Variants in CCDC51 observed in about 807,000 individuals in gnomAD.
CCDC51 encodes the protein coiled-coil domain containing 51.
CCDC51 carries 25 observed loss-of-function variants against 24.8 expected under a neutral mutation model. The ratio of observed to expected loss-of-function variants is 1.01; its 90% CI spans 0.73 to 1.41. The LOEUF is 1.41. Ranked by LOEUF, CCDC51 falls within the 40% of genes most tolerant of loss-of-function variation. CCDC51 has a pLI of 0.00. For synonymous variants in CCDC51, 190 were observed against 204.3 expected, an observed-to-expected ratio of 0.93 and a Z score of 0.60; for missense variants, 466 against 519.1, an observed-to-expected ratio of 0.90 and a Z score of 0.99.
chr3:48,433,557 G>C lies in CCDC51; in HGVS notation c.477+150C>G. The C allele has an allele frequency of 2.5e-6, 2 of 812,640 alleles. No homozygotes were observed. Among genetic ancestry groups the C allele is most frequent in the Non-Finnish European group, 3.9e-6 (2 of 510,680 alleles). 50.3% of individuals were successfully genotyped at this position (812,640 alleles called of 1,614,324 possible). On this transcript the variant is annotated intron_variant, in intron 3 of 3. Coordinates refer to ENST00000395694, the MANE Select transcript of CCDC51 (RefSeq NM_001256964.2). The surrounding 1 kb of genome is among the most constrained non-coding windows in gnomAD (Gnocchi z 4.4). ...GTATATGGATAGACTCTGGAAGCTT[G>C]GGGTTCTGTCCATCCATAGGAGCTT...
At chr3:48,443,893 G>A (rs539074977), upstream of CCDC51, 5 of 1,535,134 alleles carry the variant, frequency 3.3e-6, no homozygotes, top group Admixed American at 9.2e-5. Context: ...GCTGTTCCTT[G>A]TGCCTGAGGA....
chr3:48,433,078 C>G lies in CCDC51; in HGVS notation c.566G>C (p.Ser189Thr). ...AGCCCTTGTGCGCTCCTTCTCATGA[C>G]TTTCCCGCACAGCTGCAGAGAAGAG... is the stretch of plus-strand genomic sequence containing the variant. ...FSLFSAAVRE[S>T]HEKERTRAER... Residue 189 changes from serine to threonine, a missense_variant, in exon 4 of 4, where the codon AGT becomes ACT. Transcript: ENST00000395694. This position sits in a 1 kb window ranked among gnomAD's most constrained non-coding sequence, Gnocchi z 4.4. 1 of 1,614,186 alleles carries G rather than the reference C, an allele frequency of 6.2e-7. No homozygotes were observed. Among genetic ancestry groups the G allele is most frequent in the Non-Finnish European group, 8.5e-7 (1 of 1,180,032 alleles).
chr3:48,439,888 C>A, intron 1 of CCDC51, 100 bp downstream of exon 1: 1 of 281,696 alleles, frequency 3.5e-6, no homozygotes, highest in Non-Finnish European at 6.7e-6. Context: ...CTTCTGCCAT[C>A]TCCCCGCCTA....
upstream of CCDC51, among the ~76,000 whole-genome samples, chr3:48,441,844 T>C (rs2039576994): frequency 6.6e-6 from 1 of 152,198 alleles, no homozygotes; most frequent in Non-Finnish European, 1.5e-5. Context: ...GGGAGTGTCA[T>C]CTAGGGCTTC....
the CCDC51 span, among the ~76,000 whole-genome samples, chr3:48,445,975 G>A: frequency 6.6e-6 from 1 of 152,108 alleles, no homozygotes; most frequent in East Asian, 1.9e-4. Flanking sequence ...GCCTTTGTGT[G>A]GCCTCCCTTT....
At chr3:48,442,328 C>T (rs983885674), upstream of CCDC51, among the ~76,000 whole-genome samples, 1 of 150,962 alleles carries the variant, frequency 6.6e-6, no homozygotes. Context: ...GGGGAAAGAA[C>T]AGTCTTTAGT....
At position 48,439,361 on chromosome 3, in the gene CCDC51, C is replaced by T. The variant is rs546915787; in HGVS notation, c.-9+627G>A. 1.6e-3 allele frequency among the ~76,000 whole-genome samples: 241 copies of T among 152,324 alleles called. 2 individuals carry two copies. Among genetic ancestry groups the T allele is most frequent in the African/African-American group, 5.5e-3 (228 of 41,570 alleles). ...AAAAAATAACAACTTTGGCTGGGTG[C>T]GGTGGCTCACGCCTGTAATCCCAAC... On this transcript the variant is annotated intron_variant, in intron 1 of 3. Transcript: ENST00000395694.
At chr3:48,444,701 G>C (rs532421651), upstream of CCDC51, among the ~76,000 whole-genome samples, 9 of 152,344 alleles carry the variant, frequency 5.9e-5, no homozygotes, top group South Asian at 1.9e-3. Flanking sequence ...GTATGTAACG[G>C]AACAGTTCCT....
upstream of CCDC51, among the ~76,000 whole-genome samples, chr3:48,442,976 A>C (rs2039602147): frequency 1.3e-5 from 2 of 151,874 alleles, no homozygotes; most frequent in Admixed American, 1.3e-4. Context: ...ATGGTGGCTC[A>C]AGACTGTAAT....
chr3:48,440,229 C>G (rs898044244), upstream of CCDC51: 34 of 1,546,060 alleles, frequency 2.2e-5, no homozygotes, highest in African/African-American at 5.5e-5. Flanking sequence ...GCCTCGCTGT[C>G]TACGACAAAG....
chr3:48,435,284 G>A lies in CCDC51; in HGVS notation c.-8-148C>T. On this transcript the variant is annotated intron_variant, in intron 1 of 3. Coordinates refer to ENST00000395694, the MANE Select transcript of CCDC51 (RefSeq NM_001256964.2). The surrounding 1 kb of genome is among the most constrained non-coding windows in gnomAD (Gnocchi z 4.2). ...CACCCTGTTGGGCCCAGAGACTGTG[G>A]CCCCTGTGGCAAGAGGATGGTCAGG... 1 of 664,322 alleles carries A rather than the reference G, an allele frequency of 1.5e-6. No individual in the cohort carries two copies. The highest frequency in any genetic ancestry group is 2.4e-6 in the Non-Finnish European group (1 of 409,674). 41.2% of individuals were successfully genotyped at this position (664,322 alleles called of 1,614,324 possible). A position where few individuals can be genotyped will look rare whatever the true frequency, so the allele number is the denominator to read the frequency against.
At chr3:48,443,941 C>T (rs2039622598), upstream of CCDC51, 1 of 1,256,408 alleles carries the variant, frequency 8.0e-7, no homozygotes, top group Non-Finnish European at 1.1e-6. Context: ...TTAAACCTCT[C>T]TATTCCCTGC....
chr3:48,440,272 G>A, upstream of CCDC51: 1 of 1,595,406 alleles, frequency 6.3e-7, no homozygotes, highest in Non-Finnish European at 8.5e-7. Context: ...CGGTGGCAGG[G>A]TCTGGGGAAG....
Position 48,435,277 on chromosome 3 carries a change from G to C in CCDC51, c.-8-141C>G. 1.4e-6 allele frequency: 1 copy of C among 694,096 alleles called. No homozygotes were observed. Among genetic ancestry groups the C allele is most frequent in the South Asian group, 2.2e-5 (1 of 46,388 alleles). The allele number at this position is 694,096 out of a possible 1,614,324, so 43.0% of individuals were successfully genotyped here. ...TGAGCACCACCCTGTTGGGCCCAGA[G>C]ACTGTGGCCCCTGTGGCAAGAGGAT... On this transcript the variant is annotated intron_variant, in intron 1 of 3. Coordinates refer to ENST00000395694, the MANE Select transcript of CCDC51 (RefSeq NM_001256964.2). This position sits in a 1 kb window ranked among gnomAD's most constrained non-coding sequence, Gnocchi z 4.2.
chr3:48,443,166 G>A (rs918023451), upstream of CCDC51, among the ~76,000 whole-genome samples: 2 of 150,042 alleles, frequency 1.3e-5, no homozygotes, highest in African/African-American at 4.9e-5. Context: ...ACTTGAACCT[G>A]GGAGGCGGAG....
chr3:48,440,531 C>T (rs915940370), upstream of CCDC51: 12 of 1,610,010 alleles, frequency 7.5e-6, no homozygotes, highest in African/African-American at 1.1e-4. Flanking sequence ...CACGCTCTGC[C>T]TCTCCCCAGG....
chr3:48,442,216 G>A (rs1053681795), upstream of CCDC51, among the ~76,000 whole-genome samples: 2 of 150,454 alleles, frequency 1.3e-5, no homozygotes, highest in Non-Finnish European at 2.9e-5. Flanking sequence ...AGCTGGGATT[G>A]CGCCACTGTA....
the CCDC51 span, among the ~76,000 whole-genome samples, chr3:48,445,731 T>G: frequency 2.6e-5 from 4 of 152,230 alleles, no homozygotes; most frequent in African/African-American, 4.8e-5. Context: ...ATTTACTCTT[T>G]TCATTTAATG....
rs2039195381 is a variant in CCDC51 at position 48,432,430 on chromosome 3, T to A, written c.1214A>T (p.Tyr405Phe). ...GGGTTAGCTGGCTTTGAATAGCATG[T>A]AGAGCACAGGCAGTGTGGCCACAAA... ...VTFVATLPVL[Y>F]MLFKAS The change falls in exon 4 of 4, where the codon TAC becomes TTC. Residue 405 changes from tyrosine (Y) to phenylalanine (F), a missense_variant. Coordinates refer to ENST00000395694, the MANE Select transcript of CCDC51 (RefSeq NM_001256964.2). The A allele has an allele frequency of 1.2e-6, 2 of 1,614,122 alleles. No individual in the cohort carries two copies. The highest frequency in any genetic ancestry group is 2.7e-5 in the African/African-American group (2 of 74,944).
Sources: allele counts gnomAD v4.1 joint callset (sites outside exome capture counted in the v4.1 genomes callset), GRCh38; gene constraint gnomAD v4.1.1; non-coding constraint Gnocchi (gnomAD v3.1); transcripts MANE v1.5; gene names NCBI Gene and HGNC (gene_info 2026-07-23, HGNC 2026-07-21).